NRXN3: variants seen among roughly 807,000 people sequenced by gnomAD.
NRXN3 encodes the protein neurexin 3.
In NRXN3, 32 loss-of-function variants were observed where a neutral mutation model predicts 137.6. The observed-to-expected ratio is 0.23, with a 90% CI of 0.18 to 0.31. The LOEUF (loss-of-function observed/expected upper bound fraction) is 0.31, where lower values mean the gene tolerates loss of function less well. Ranked by LOEUF, NRXN3 falls within the 10% of genes least tolerant of loss-of-function variation. NRXN3 has a pLI of 1.00. For missense variants in NRXN3, 1,574 were observed against 2,062.5 expected (o/e 0.76, Z 4.59); for synonymous variants, 798 against 784.5 (o/e 1.02, Z -0.29).
rs571236337 is a variant in NRXN3 at position 79,417,642 on chromosome 14, G to A, written c.3263-49579G>A. Among the ~76,000 whole-genome samples, 150 of 152,098 alleles carry A rather than the reference G, an allele frequency of 9.9e-4. 1 individual carries two copies. Among genetic ancestry groups the A allele is most frequent in the African/African-American group, 2.9e-3 (119 of 41,504 alleles). On this transcript the variant is annotated intron_variant, in intron 15 of 20. Transcript: ENST00000335750. ...GCACTACTACAATAATGATGCTTTC[G>A]TTAATCACCCCATGTAATTTTAGTT...
At chr14:79,560,618 C>T (rs1313631064) in intron 16 of NRXN3, among the ~76,000 whole-genome samples, 6 of 143,914 alleles carry the variant, frequency 4.2e-5, no homozygotes, top group African/African-American at 7.7e-5. Context: ...TGAAGCCATT[C>T]CCCTCCCTCA....
chr14:79,815,465 G>A (rs185175614), intron 20 of NRXN3, among the ~76,000 whole-genome samples: 1 of 152,280 alleles, frequency 6.6e-6, no homozygotes, highest in East Asian at 1.9e-4. Flanking sequence ...GTAGCTATTG[G>A]TTTTTCTTAA....
chr14:79,463,271 G>A (rs185373809), intron 15 of NRXN3, among the ~76,000 whole-genome samples: 1 of 152,098 alleles, frequency 6.6e-6, no homozygotes, highest in Non-Finnish European at 1.5e-5. Flanking sequence ...TAATTAGCTT[G>A]TTCCGTAACT....
intron 10 of NRXN3, among the ~76,000 whole-genome samples, chr14:78,826,423 G>A (rs2098966800): frequency 6.6e-6 from 1 of 152,148 alleles, no homozygotes; most frequent in East Asian, 1.9e-4. Flanking sequence ...AAGGCTCCAA[G>A]TCCCTGGCTC....
intron 8 of NRXN3, among the ~76,000 whole-genome samples, chr14:78,751,194 G>A (rs2098640053): frequency 6.6e-6 from 1 of 152,184 alleles, no homozygotes; most frequent in African/African-American, 2.4e-5. Flanking sequence ...GTAGCCAGAA[G>A]ACATTGCAGA....
intron 15 of NRXN3, among the ~76,000 whole-genome samples, chr14:79,352,484 T>A (rs944505515): frequency 1.3e-5 from 2 of 152,090 alleles, no homozygotes; most frequent in Non-Finnish European, 2.9e-5. Flanking sequence ...CCGGATCAAT[T>A]GAGATAATGT....
chr14:78,453,298 G>A (rs2094595361), intron 4 of NRXN3, among the ~76,000 whole-genome samples: 1 of 152,200 alleles, frequency 6.6e-6, no homozygotes, highest in Non-Finnish European at 1.5e-5. Flanking sequence ...CTTCCTCCCT[G>A]TTCAGATGCA....
At chr14:78,646,183 C>T (rs1292489666) in intron 5 of NRXN3, among the ~76,000 whole-genome samples, 5 of 152,160 alleles carry the variant, frequency 3.3e-5, no homozygotes, top group East Asian at 1.9e-4. Context: ...CAGGCACCTC[C>T]GTCAGGTGAC....
At chr14:79,717,539 C>T (rs577567078) in intron 19 of NRXN3, among the ~76,000 whole-genome samples, 4 of 152,174 alleles carry the variant, frequency 2.6e-5, no homozygotes, top group Non-Finnish European at 5.9e-5. Context: ...CCCCTCTGAA[C>T]CTTCTCCAAA....
At chr14:79,608,974 G>A (rs752894425) in intron 16 of NRXN3, among the ~76,000 whole-genome samples, 24 of 152,124 alleles carry the variant, frequency 1.6e-4, no homozygotes, top group Non-Finnish European at 3.5e-4. Context: ...CTCTCCTCTA[G>A]ATCTATAATG....
intron 15 of NRXN3, among the ~76,000 whole-genome samples, chr14:79,284,616 C>A (rs1316665650): frequency 6.6e-6 from 1 of 151,896 alleles, no homozygotes; most frequent in Non-Finnish European, 1.5e-5. Flanking sequence ...AGAACTCTTG[C>A]TCAGAAACCA....
intron 15 of NRXN3, among the ~76,000 whole-genome samples, chr14:79,049,536 C>T (rs553413752): frequency 3.3e-5 from 5 of 152,242 alleles, no homozygotes; most frequent in Non-Finnish European, 7.4e-5. Context: ...TCCAAACTCC[C>T]GTGAATGTTG....
intron 15 of NRXN3, among the ~76,000 whole-genome samples, chr14:79,328,448 GC>G (rs2091226527): frequency 6.6e-6 from 1 of 152,170 alleles, no homozygotes. Context: ...AATATTTTAG[GC>G]TTTTTGGAGG....
chr14:78,304,230 G>C (rs901216885), intron 4 of NRXN3, among the ~76,000 whole-genome samples: 3 of 152,184 alleles, frequency 2.0e-5, no homozygotes, highest in Admixed American at 6.5e-5. Context: ...GTGTGTGCAA[G>C]TGTCAGAGGG....
chr14:79,647,238 T>G (rs1043521677), intron 16 of NRXN3, among the ~76,000 whole-genome samples: 4 of 135,730 alleles, frequency 2.9e-5, no homozygotes, highest in African/African-American at 9.8e-5. Context: ...ACGAAAATAA[T>G]TTTTTTCACT....
chr14:79,759,057 G>C (rs2099029648), intron 19 of NRXN3, among the ~76,000 whole-genome samples: 1 of 152,146 alleles, frequency 6.6e-6, no homozygotes, highest in Admixed American at 6.5e-5. Context: ...GGGGGTGGGA[G>C]ACAAAGTTGG....
chr14:78,634,494 G>T (rs546825341), intron 4 of NRXN3, among the ~76,000 whole-genome samples: 1 of 152,124 alleles, frequency 6.6e-6, no homozygotes, highest in Admixed American at 6.5e-5. Flanking sequence ...TTTATTGGGC[G>T]GTTAGACGTT....
chr14:79,741,527 C>G (rs1334330241), intron 19 of NRXN3, among the ~76,000 whole-genome samples: 1 of 151,892 alleles, frequency 6.6e-6, no homozygotes, highest in Non-Finnish European at 1.5e-5. Flanking sequence ...CTCTGTCACC[C>G]AGGCTGGAGT....
chr14:78,205,929 G>T (rs2062142807), intron 1 of NRXN3, among the ~76,000 whole-genome samples: 1 of 152,242 alleles, frequency 6.6e-6, no homozygotes, highest in Non-Finnish European at 1.5e-5. Context: ...GGTAAGAGAT[G>T]GTGATGGAGT....
Sources: gnomAD v4.1 joint callset for allele counts (sites outside exome capture counted in the v4.1 genomes callset) on GRCh38, gnomAD v4.1.1 for gene constraint, MANE v1.5 for transcripts, NCBI Gene and HGNC (gene_info 2026-07-23, HGNC 2026-07-21) for gene names.